Variants in IL16 observed in about 807,000 individuals in gnomAD.
IL16 encodes pro-interleukin-16.
A neutral mutation model predicts 110.1 loss-of-function variants in IL16; 67 were observed. That is an observed-to-expected ratio of 0.61 (90% CI 0.50 to 0.75). The LOEUF is 0.75. Among genes scored for constraint, IL16 ranks in the 30% least tolerant of loss-of-function variants. The probability of loss-of-function intolerance (pLI) is 0.00; values close to 1 mark genes in which losing one functional copy is unlikely to be tolerated. For missense variants in IL16, 1,545 were observed against 1,655.0 expected (o/e 0.93, Z 1.15); for synonymous variants, 689 against 662.9 (o/e 1.04, Z -0.61).
chr15:81,201,343 A>G (rs1895807055), intron 1 of IL16, among the ~76,000 whole-genome samples: 1 of 152,172 alleles, frequency 6.6e-6, no homozygotes, highest in African/African-American at 2.4e-5. Context: ...TTGGACCATC[A>G]AAATCTGAAA....
At chr15:81,190,097 C>T (rs1185242939) in intron 1 of IL16, among the ~76,000 whole-genome samples, 2 of 152,304 alleles carry the variant, frequency 1.3e-5, no homozygotes, top group South Asian at 2.1e-4. Flanking sequence ...CCAGAAAAGA[C>T]GAGGGACTCA....
chr15:81,285,272 T>G (rs1406059895), intron 9 of IL16, among the ~76,000 whole-genome samples: 1 of 152,218 alleles, frequency 6.6e-6, no homozygotes, highest in Non-Finnish European at 1.5e-5. Flanking sequence ...TGTGCTATGT[T>G]AGATCCAATC....
chr15:81,182,975 C>A, intron 1 of IL16: 1 of 902,522 alleles, frequency 1.1e-6, no homozygotes, highest in Non-Finnish European at 1.6e-6. Context: ...TGACATCCTC[C>A]CAGGGGAATG....
intron 1 of IL16, among the ~76,000 whole-genome samples, chr15:81,208,288 G>A (rs1019691848): frequency 6.6e-6 from 1 of 152,152 alleles, no homozygotes; most frequent in South Asian, 2.1e-4. Flanking sequence ...TTTGTCAGAT[G>A]CACAGGTTGT....
At chr15:81,300,634 A>AGT (rs56859031) in intron 14 of IL16, among the ~76,000 whole-genome samples, 159 bp downstream of exon 14, 20,024 of 151,834 alleles carry the variant, frequency 0.13, 1,801 homozygotes, top group African/African-American at 0.25. Flanking sequence ...CAGATGTCTG[A>AGT]GTGTGTGTGT....
Position 81,299,814 on chromosome 15 carries a change from A to G in IL16, c.2488A>G (p.Ile830Val), listed in dbSNP as rs771598846. The change falls in exon 14 of 19, where the codon ATC (isoleucine) becomes GTC (valine). Residue 830 changes from isoleucine to valine, a missense_variant. By Grantham distance (29) the Ile-to-Val change is conservative. Coordinates refer to ENST00000683961, the MANE Select transcript of IL16 (RefSeq NM_172217.5). The part of the protein sequence containing the change: ...PASREHLGSH[I>V]RASSSSSSIR... Reference sequence around the variant, plus strand: ...TTCCAGGGAGCACCTAGGATCACACATCCGGGCCTCCTCCTCCTCCTCCTC... The same window carrying G: ...TTCCAGGGAGCACCTAGGATCACACGTCCGGGCCTCCTCCTCCTCCTCCTC... 1 of 1,614,024 alleles carries G rather than the reference A, an allele frequency of 6.2e-7. No individual in the cohort carries two copies. Among genetic ancestry groups the G allele is most frequent in the Non-Finnish European group, 8.5e-7 (1 of 1,180,000 alleles).
chr15:81,301,399 G>T lies in IL16; in HGVS notation c.3205G>T (p.Asp1069Tyr). The T allele has an allele frequency of 6.2e-7, 1 of 1,614,042 alleles. No homozygotes were observed. Among genetic ancestry groups the T allele is most frequent in the Non-Finnish European group, 8.5e-7 (1 of 1,179,956 alleles). ...TCTCACGGAAGCCAAGGAAGACGAT[G>T]ATGGGGACCACAGTTCCCTTCAGTC... ...EGLTEAKEDD[D>Y]GDHSSLQSGQ... The change falls in exon 15 of 19, where the codon GAT becomes TAT. Residue 1069 changes from aspartate (D) to tyrosine (Y), a missense_variant. Asp to Tyr is a radical substitution (Grantham distance 160). This residue lies in a region of IL16 where 356 missense variants were observed against 399.3 expected (regional missense o/e 0.89). Transcript: ENST00000683961.
At chr15:81,216,414 C>A (rs1475139567) in intron 1 of IL16, among the ~76,000 whole-genome samples, 2 of 152,196 alleles carry the variant, frequency 1.3e-5, no homozygotes, top group East Asian at 3.9e-4. Flanking sequence ...GGTACCCCTG[C>A]AGGGTTCCCA....
At chr15:81,256,171 G>A (rs115790140) in intron 2 of IL16, among the ~76,000 whole-genome samples, 126 of 152,104 alleles carry the variant, frequency 8.3e-4, no homozygotes, top group African/African-American at 2.9e-3. Flanking sequence ...AACATTTGTT[G>A]AATGAATGAG....
At chr15:81,268,335 A>AGATT (rs1898485176) in intron 4 of IL16, among the ~76,000 whole-genome samples, 1 of 152,246 alleles carries the variant, frequency 6.6e-6, no homozygotes, top group Non-Finnish European at 1.5e-5. Flanking sequence ...TGTTTTACAA[A>AGATT]CAGCTATACA....
Position 81,299,403 on chromosome 15 carries a change from C to T in IL16, c.2077C>T (p.His693Tyr), listed in dbSNP as rs1316434642. Residue 693 changes from histidine to tyrosine, a missense_variant, in exon 14 of 19, where the codon CAC becomes TAC. Physicochemically the swap from His to Tyr is moderately conservative, Grantham distance 83. This residue lies in a region of IL16 where 1,185 missense variants were observed against 1,238.8 expected (regional missense o/e 0.96). Transcript: ENST00000683961. ...SPVTQTSPIK[H>Y]PLLKRQARMD... ...AGTGACCCAAACATCCCCGATAAAACACCCACTGCTTAAGAGGCAGGCTCG... is the reference window on the plus strand; with the variant it reads ...AGTGACCCAAACATCCCCGATAAAATACCCACTGCTTAAGAGGCAGGCTCG... 1.9e-6 allele frequency: 3 copies of T among 1,613,614 alleles called. No homozygotes were observed. Among genetic ancestry groups the T allele is most frequent in the African/African-American group, 1.3e-5 (1 of 74,944 alleles).
chr15:81,234,218 C>G (rs1897108851), intron 2 of IL16, among the ~76,000 whole-genome samples: 1 of 151,952 alleles, frequency 6.6e-6, no homozygotes, highest in African/African-American at 2.4e-5. Context: ...CAATCTTTGT[C>G]TTTAGAATTG....
chr15:81,306,611 G>T, intron 18 of IL16, 66 bp downstream of exon 18: 2 of 1,592,784 alleles, frequency 1.3e-6, no homozygotes, highest in Non-Finnish European at 1.7e-6. Flanking sequence ...CCCCCAAAAG[G>T]CTTCTGGGCA....
chr15:81,211,082 CAG>C (rs1378723284), intron 1 of IL16, among the ~76,000 whole-genome samples: 1 of 151,976 alleles, frequency 6.6e-6, no homozygotes, highest in East Asian at 1.9e-4. Flanking sequence ...TTTTCATAGA[CAG>C]AGTCTCACTC....
In IL16 at chr15:81,245,495, G is replaced by T. The variant is rs186692371; in HGVS notation, c.313-14277G>T. ...AAAAGGGCTTTTTGCCGTATGGCAG[G>T]ATGAAAGTCCCATCGCTCTACTCAG... is the stretch of plus-strand genomic sequence containing the variant. On this transcript the variant is annotated intron_variant, in intron 2 of 18. Coordinates refer to ENST00000683961, the MANE Select transcript of IL16 (RefSeq NM_172217.5). 3.3e-5 allele frequency among the ~76,000 whole-genome samples: 5 copies of T among 152,064 alleles called. No individual in the cohort carries two copies. The East Asian group carries it at 9.7e-4, about 29-fold the overall frequency.
intron 3 of IL16, among the ~76,000 whole-genome samples, chr15:81,263,346 A>ATTTTTTTTTTTTT (rs10717016): frequency 9.1e-6 from 1 of 109,792 alleles, no homozygotes; most frequent in African/African-American, 4.7e-5. Context: ...TTCAAAAACT[A>ATTTTTTTTTTTTT]TTTTTTTTTG....
Position 81,307,905 on chromosome 15 carries a change from A to G in IL16, c.3806-700A>G, listed in dbSNP as rs577668605. Among the ~76,000 whole-genome samples the G allele has an allele frequency of 5.9e-5, 9 of 152,356 alleles. No individual in the cohort carries two copies. In the East Asian group the frequency reaches 1.5e-3, roughly 26 times the overall value. On this transcript the variant is annotated intron_variant, in intron 18 of 18. Transcript: ENST00000683961. ...TGTCATAAATGCAAAACATTAGCAC[A>G]ACGCCTGTTAAAATAATTGCCCAAT...
chr15:81,263,355 TG>T (rs1489659473), intron 3 of IL16, among the ~76,000 whole-genome samples: 77 of 137,022 alleles, frequency 5.6e-4, no homozygotes, highest in African/African-American at 1.3e-3. Context: ...TATTTTTTTT[TG>T]TTTTTTTTTT....
intron 1 of IL16, among the ~76,000 whole-genome samples, chr15:81,203,986 C>T (rs896425282): frequency 8.6e-5 from 13 of 151,600 alleles, no homozygotes; most frequent in African/African-American, 2.7e-4. Flanking sequence ...TTTGTATCCT[C>T]TTTTATTTCC....
Sources: gnomAD v4.1 joint callset for allele counts (sites outside exome capture counted in the v4.1 genomes callset) on GRCh38, gnomAD v4.1.1 for gene constraint, gnomAD v4.1.1 regional missense constraint, MANE v1.5 for transcripts, NCBI Gene and HGNC (gene_info 2026-07-23, HGNC 2026-07-21) for gene names.